The following POC1B variants were observed in gnomAD, a reference collection of about 807,000 sequenced individuals.
The protein encoded by POC1B is POC1 centriolar protein homolog B.
POC1B carries 44 observed loss-of-function variants against 60.6 expected under a neutral mutation model. That is an observed-to-expected ratio of 0.73 (90% confidence interval 0.57 to 0.93). The LOEUF (loss-of-function observed/expected upper bound fraction) is 0.93. Ranked by LOEUF, POC1B falls within the 40% of genes least tolerant of loss-of-function variation. POC1B has a pLI of 0.00. For synonymous variants in POC1B, 180 were observed against 198.9 expected (o/e 0.90, Z 0.80); for missense variants, 555 against 572.3 (o/e 0.97, Z 0.31).
intron 10 of POC1B, among the ~76,000 whole-genome samples, chr12:89,439,312 T>C (rs531183628): frequency 1.3e-5 from 2 of 152,290 alleles, no homozygotes; most frequent in African/African-American, 4.8e-5. Context: ...TTACAGGTCC[T>C]AAAGTAACAC....
chr12:89,494,354 C>T (rs1869135232), intron 3 of POC1B, among the ~76,000 whole-genome samples: 1 of 152,046 alleles, frequency 6.6e-6, no homozygotes, highest in African/African-American at 2.4e-5. Context: ...CCAGCCTCTC[C>T]CTATTCTTTC....
intron 4 of POC1B, among the ~76,000 whole-genome samples, chr12:89,473,088 T>G (rs1882965076): frequency 6.6e-6 from 1 of 151,972 alleles, no homozygotes; most frequent in Non-Finnish European, 1.5e-5. Flanking sequence ...ATGAATAGTA[T>G]TTTTATTATT....
At chr12:89,491,513 T>A (rs1337542703) in intron 4 of POC1B, among the ~76,000 whole-genome samples, 1 of 150,050 alleles carries the variant, frequency 6.7e-6, no homozygotes, top group African/African-American at 2.5e-5. Flanking sequence ...TAGTCCCAGC[T>A]ACTCAGAGTC....
chr12:89,510,962 C>T (rs758501317), intron 2 of POC1B, among the ~76,000 whole-genome samples: 1 of 151,722 alleles, frequency 6.6e-6, no homozygotes, highest in Non-Finnish European at 1.5e-5. Flanking sequence ...ACCATGTTGG[C>T]CAGGCTGGTC....
intron 4 of POC1B, 88 bp downstream of exon 4, chr12:89,491,848 G>A (rs1868994194): frequency 9.0e-7 from 1 of 1,114,422 alleles, no homozygotes; most frequent in Non-Finnish European, 1.2e-6. Flanking sequence ...GAATGAATAT[G>A]TCCTCAAACC....
intron 10 of POC1B, among the ~76,000 whole-genome samples, chr12:89,445,984 C>T (rs1221291985): frequency 6.6e-6 from 1 of 152,142 alleles, no homozygotes; most frequent in Admixed American, 6.5e-5. Flanking sequence ...ATTTATGCAG[C>T]CAACAGACAC....
intron 6 of POC1B, among the ~76,000 whole-genome samples, chr12:89,470,814 C>T (rs1021657204): frequency 9.9e-5 from 15 of 152,138 alleles, no homozygotes; most frequent in Admixed American, 6.5e-4. Flanking sequence ...AACCTAGTCT[C>T]AAATTAAAGG....
the POC1B span, among the ~76,000 whole-genome samples, chr12:89,406,625 G>A: frequency 6.6e-6 from 1 of 151,754 alleles, no homozygotes; most frequent in African/African-American, 2.4e-5. Flanking sequence ...GTTTTCTTAG[G>A]TCTCCTATTC....
intron 4 of POC1B, among the ~76,000 whole-genome samples, chr12:89,476,759 T>TAGATAGATAGATAGACAGACAGACAGAC (rs1485211003): frequency 6.8e-5 from 4 of 58,580 alleles, no homozygotes; most frequent in African/African-American, 1.6e-4. Context: ...GATAGATAGA[T>TAGATAGATAGATAGACAGACAGACAGAC]AGACAGACAG....
intron 10 of POC1B, among the ~76,000 whole-genome samples, chr12:89,446,696 T>C (rs960518711): frequency 2.0e-5 from 3 of 151,040 alleles, no homozygotes; most frequent in Admixed American, 6.6e-5. Flanking sequence ...CACATGTACA[T>C]ATGTAACAAA....
At chr12:89,421,280 A>G in intron 11 of POC1B, 23 bp from the exon 12 acceptor site, 2 of 1,545,492 alleles carry the variant, frequency 1.3e-6, no homozygotes, top group Non-Finnish European at 1.8e-6. Context: ...GGATAAAATA[A>G]TCAATGCCTG....
chr12:89,502,608 G>C, intron 2 of POC1B: 1 of 1,282,888 alleles, frequency 7.8e-7, no homozygotes, highest in Non-Finnish European at 1.1e-6. Context: ...CCAGAAACAA[G>C]AGAGATTATT....
At chr12:89,445,370 C>T (rs1881733710) in intron 10 of POC1B, among the ~76,000 whole-genome samples, 1 of 152,124 alleles carries the variant, frequency 6.6e-6, no homozygotes, top group Non-Finnish European at 1.5e-5. Flanking sequence ...TACAAGGGTA[C>T]AGGAACCAAA....
chr12:89,504,546 T>C (rs1869800572), intron 2 of POC1B, among the ~76,000 whole-genome samples: 1 of 151,848 alleles, frequency 6.6e-6, no homozygotes, highest in African/African-American at 2.4e-5. Context: ...CCCTCCACTA[T>C]TGTCCTATGA....
chr12:89,503,866 G>A (rs1240192696), intron 2 of POC1B, among the ~76,000 whole-genome samples: 1 of 149,214 alleles, frequency 6.7e-6, no homozygotes, highest in Non-Finnish European at 1.5e-5. Flanking sequence ...TGAGAAGTGA[G>A]GAGCCCCTCC....
At chr12:89,416,226 G>C (rs1862830350), downstream of POC1B, among the ~76,000 whole-genome samples, 1 of 152,170 alleles carries the variant, frequency 6.6e-6, no homozygotes, top group Admixed American at 6.5e-5. Context: ...TTGTACCAGA[G>C]ATAAGCACAG....
chr12:89,445,854 C>T lies in POC1B; in HGVS notation c.1113+13784G>A, dbSNP rs550937796. On this transcript the variant is annotated intron_variant, in intron 10 of 11. Coordinates refer to ENST00000313546, the MANE Select transcript of POC1B (RefSeq NM_172240.3). ...AATGGGAGAAAATTTTTACAATCTA[C>T]CCATCTGAGAAACGGCTAATATCCA... Among the ~76,000 whole-genome samples the T allele has an allele frequency of 9.2e-5, 14 of 152,250 alleles. No individual in the cohort carries two copies. The East Asian group carries it at 2.7e-3, about 29-fold the overall frequency.
intron 4 of POC1B, among the ~76,000 whole-genome samples, chr12:89,490,271 T>G (rs1868885850): frequency 1.3e-5 from 2 of 152,212 alleles, no homozygotes; most frequent in Non-Finnish European, 2.9e-5. Context: ...GAAACTCACT[T>G]TCCTTATCTG....
rs1880454415 is a variant in POC1B, at chr12:89,419,761, CA to C, written c.*1391del. 1 of 152,110 alleles carries C rather than the reference CA, an allele frequency of 6.6e-6. No individual in the cohort carries two copies. The highest frequency in any genetic ancestry group is 2.4e-5 in the African/African-American group (1 of 41,426). The allele number at this position is 152,110 out of a possible 1,614,324, so 9.4% of individuals were successfully genotyped here. On this transcript the variant is annotated 3_prime_UTR_variant, in exon 12 of 12. Coordinates refer to ENST00000313546, the MANE Select transcript of POC1B (RefSeq NM_172240.3). ...AATGTCTTTATTGTTTGAAGCATGA[CA>C]AAATAAAATTGATAGGACATTTCAT... is the stretch of plus-strand genomic sequence containing the variant.
Sources: allele counts gnomAD v4.1 joint callset (sites outside exome capture counted in the v4.1 genomes callset), GRCh38; gene constraint gnomAD v4.1.1; transcripts MANE v1.5; gene names NCBI Gene and HGNC (gene_info 2026-07-23, HGNC 2026-07-21).